GSE1: variants seen among roughly 807,000 people sequenced by gnomAD.
GSE1 encodes genetic suppressor element 1.
A neutral mutation model predicts 112.6 loss-of-function variants in GSE1; 32 were observed. That is an observed-to-expected ratio of 0.28 (90% CI 0.21 to 0.38). The LOEUF is 0.38. GSE1 is among the 10% of genes least tolerant of loss of function. The pLI, the probability that GSE1 is intolerant of heterozygous loss-of-function variation, is 1.00. For synonymous variants in GSE1, 1,115 were observed against 735.6 expected (o/e 1.52, Z -8.35); for missense variants, 2,348 against 1,699.2 (o/e 1.38, Z -6.71).
At chr16:85,191,997 G>A (rs2074833494) in intron 1 of GSE1, among the ~76,000 whole-genome samples, 1 of 152,244 alleles carries the variant, frequency 6.6e-6, no homozygotes, top group Non-Finnish European at 1.5e-5. Context: ...TCTTTCCGAA[G>A]TCTAAGCTAT....
At chr16:85,671,175 T>A in intron 15 of GSE1, 77 bp downstream of exon 15, 1 of 837,408 alleles carries the variant, frequency 1.2e-6, no homozygotes, top group South Asian at 1.4e-5. Flanking sequence ...TGCAGATAAG[T>A]TTCAGAGAGG....
chr16:85,349,899 C>T (rs893150636), intron 1 of GSE1, among the ~76,000 whole-genome samples: 4 of 152,212 alleles, frequency 2.6e-5, no homozygotes, highest in Admixed American at 2.6e-4. Context: ...TGTACGGCCG[C>T]TAGGCGTGGG....
At chr16:85,429,978 G>A (rs751960781) in intron 2 of GSE1, among the ~76,000 whole-genome samples, 1 of 152,202 alleles carries the variant, frequency 6.6e-6, no homozygotes, top group Non-Finnish European at 1.5e-5. Flanking sequence ...GGCATTCTGC[G>A]GGGGCTCGGT....
chr16:85,402,320 A>G (rs2048134627), intron 2 of GSE1, among the ~76,000 whole-genome samples: 1 of 152,188 alleles, frequency 6.6e-6, no homozygotes, highest in Admixed American at 6.5e-5. Context: ...AGGAGTCGCC[A>G]GTGGGATGTC....
rs142084994 is a variant in GSE1 at position 85,582,983 on chromosome 16, C to T, written c.37+26620C>T. 4.2e-3 allele frequency among the ~76,000 whole-genome samples: 635 copies of T among 152,300 alleles called. 1 individual carries two copies. Among genetic ancestry groups the T allele is most frequent in the African/African-American group, 9.4e-3 (389 of 41,574 alleles). ...GGCACGGGGAGGGAAGCCACACATG[C>T]GTGCTTGAGCAGGCTGGCACAGTCT... On this transcript the variant is annotated intron_variant, in intron 1 of 2. Coordinates refer to the GSE1 transcript ENST00000635906.
chr16:85,608,100 G>C (rs2047792105), upstream of GSE1, among the ~76,000 whole-genome samples: 1 of 152,204 alleles, frequency 6.6e-6, no homozygotes, highest in Admixed American at 6.5e-5. Context: ...AAGCCTTCTT[G>C]CAAGAGATAA....
chr16:85,433,653 G>A (rs2049174694), intron 2 of GSE1, among the ~76,000 whole-genome samples: 3 of 151,928 alleles, frequency 2.0e-5, no homozygotes, highest in African/African-American at 7.3e-5. Flanking sequence ...GGTGAATGTT[G>A]AATGGATAGA....
rs1044158211 is a variant in GSE1 at position 85,342,639 on chromosome 16, C to T, written c.2284-14824C>T. On this transcript the variant is annotated intron_variant, in intron 1 of 2. Transcript: ENST00000637419. The stretch of plus-strand genomic sequence containing the variant: ...CTGTGAGGTTCAAGGCGCACCAGGG[C>T]GAGAGTCTGTCATCTTCAGGCTGTC... Among the ~76,000 whole-genome samples the T allele has an allele frequency of 5.3e-5, 8 of 152,266 alleles. No homozygotes were observed. In the South Asian group the frequency reaches 1.7e-3, roughly 32 times the overall value.
At chr16:85,474,392 G>C (rs1442442206) in intron 2 of GSE1, among the ~76,000 whole-genome samples, 1 of 152,182 alleles carries the variant, frequency 6.6e-6, no homozygotes, top group East Asian at 1.9e-4. Flanking sequence ...GGGAGCCAGA[G>C]GAGAACAGCT....
intron 2 of GSE1, among the ~76,000 whole-genome samples, chr16:85,531,189 A>G (rs1196390821): frequency 1.3e-5 from 2 of 152,230 alleles, no homozygotes; most frequent in Admixed American, 6.5e-5. Context: ...GGAAGGAGCA[A>G]TAGAGAGTGT....
At chr16:85,606,271 T>C (rs1186287776) in intron 1 of GSE1, among the ~76,000 whole-genome samples, 1 of 152,116 alleles carries the variant, frequency 6.6e-6, no homozygotes, top group Non-Finnish European at 1.5e-5. Context: ...TTCTCTCAAA[T>C]ATGAAAAATG....
rs547147486 is a variant in GSE1 at position 85,222,247 on chromosome 16, A to C, written c.2283+50440A>C. Among the ~76,000 whole-genome samples, 486 of 152,330 alleles carry C rather than the reference A, an allele frequency of 3.2e-3. 4 individuals are homozygous for C. The highest frequency in any genetic ancestry group is 7.5e-3 in the Admixed American group (115 of 15,314). ...AACTCTGCCCTGAGCGGGGCCCACC[A>C]GACCTTAGGGACAGATTTGTCCAGA... On this transcript the variant is annotated intron_variant, in intron 1 of 2. Coordinates refer to the GSE1 transcript ENST00000637419.
chr16:85,663,138 C>G (rs369515316), intron 10 of GSE1, 45 bp downstream of exon 10: 4 of 1,375,890 alleles, frequency 2.9e-6, no homozygotes, highest in Middle Eastern at 1.9e-4. Context: ...GCTGGGCTCT[C>G]GTTCCTAGCG....
chr16:85,551,283 A>C (rs2044901737), upstream of GSE1, among the ~76,000 whole-genome samples: 1 of 152,184 alleles, frequency 6.6e-6, no homozygotes, highest in South Asian at 2.1e-4. Context: ...TCTGGTGTGA[A>C]GTCTTACGAA....
At chr16:85,195,708 C>G (rs1254825004) in intron 1 of GSE1, among the ~76,000 whole-genome samples, 2 of 152,334 alleles carry the variant, frequency 1.3e-5, no homozygotes, top group South Asian at 2.1e-4. Context: ...ACCCCATGAA[C>G]TTAACCACGA....
At chr16:85,442,553 G>A (rs1003878831) in intron 2 of GSE1, among the ~76,000 whole-genome samples, 1 of 152,230 alleles carries the variant, frequency 6.6e-6, no homozygotes. Flanking sequence ...GCTGGGTGTT[G>A]CACAGCATCT....
At position 85,547,331 on chromosome 16, in the gene GSE1, T is replaced by A. The variant is rs112854191; in HGVS notation, c.2465-86583T>A. The stretch of plus-strand genomic sequence containing the variant: ...TCTCACGGAATGAAACTGAAATCCA[T>A]GTGTCAGCGGGGCCATGCTCCCTCT... On this transcript the variant is annotated intron_variant, in intron 2 of 2. Coordinates refer to the GSE1 transcript ENST00000637419. 9.3e-3 allele frequency among the ~76,000 whole-genome samples: 1,414 copies of A among 152,254 alleles called. 22 individuals carry two copies. Among genetic ancestry groups the A allele is most frequent in the African/African-American group, 0.031 (1,283 of 41,538 alleles).
At chr16:85,665,766 A>G (rs1414454374) in intron 12 of GSE1, among the ~76,000 whole-genome samples, 1 of 152,000 alleles carries the variant, frequency 6.6e-6, no homozygotes, top group East Asian at 1.9e-4. Flanking sequence ...CCTTCTTGGG[A>G]CATCTTTCAA....
At chr16:85,246,263 A>G (rs1360444042) in intron 1 of GSE1, among the ~76,000 whole-genome samples, 39 of 142,030 alleles carry the variant, frequency 2.7e-4, no homozygotes, top group Admixed American at 3.5e-4. Context: ...GTCTACACAC[A>G]CACACACACA....
Sources: allele counts gnomAD v4.1 joint callset (sites outside exome capture counted in the v4.1 genomes callset), GRCh38; gene constraint gnomAD v4.1.1; transcripts MANE v1.5; gene names NCBI Gene and HGNC (gene_info 2026-07-23, HGNC 2026-07-21).